The following DGKI variants were observed in gnomAD, a reference collection of about 807,000 sequenced individuals.
DGKI encodes the protein DAG kinase iota.
In DGKI, 55 loss-of-function variants were observed where a neutral mutation model predicts 147.5. That is an observed-to-expected ratio of 0.37 (90% CI 0.30 to 0.47). DGKI has a LOEUF of 0.47. Among genes scored for constraint, DGKI ranks in the 20% least tolerant of loss-of-function variants. The pLI, the probability that DGKI is intolerant of heterozygous loss-of-function variation, is 1.00. For synonymous variants in DGKI, 469 were observed against 477.1 expected (o/e 0.98, Z 0.22); for missense variants, 1,007 against 1,323.8 (o/e 0.76, Z 3.71).
At chr7:137,842,817 G>C (rs1010330035) in intron 1 of DGKI, among the ~76,000 whole-genome samples, 1 of 151,756 alleles carries the variant, frequency 6.6e-6, no homozygotes, top group African/African-American at 2.4e-5. Flanking sequence ...TAGACAAAGG[G>C]CCACAAGCCA....
In DGKI at chr7:137,441,265, C is replaced by CA. The variant is rs368405860; in HGVS notation, c.2761+2811dup. 9.9e-3 allele frequency among the ~76,000 whole-genome samples: 1,496 copies of CA among 151,612 alleles called. 49 individuals are homozygous for CA. The highest frequency in any genetic ancestry group is 0.093 in the East Asian group (477 of 5,112). ...GAAACCCCGTCTCTACTAAAAAATA[C>CA]AAAAAATTAGCCGGGCATGGTGGCG... On this transcript the variant is annotated intron_variant, in intron 28 of 32. Coordinates refer to ENST00000614521, the MANE Select transcript of DGKI (RefSeq NM_001321708.2).
intron 28 of DGKI, 134 bp downstream of exon 28, chr7:137,443,943 T>C (rs1012437779): frequency 2.2e-5 from 16 of 717,258 alleles, no homozygotes; most frequent in Non-Finnish European, 3.4e-5. Flanking sequence ...GTTTGACATT[T>C]CACATTCAAA....
chr7:137,451,614 C>G (rs1040500234), intron 27 of DGKI, among the ~76,000 whole-genome samples: 2 of 152,130 alleles, frequency 1.3e-5, no homozygotes, highest in Non-Finnish European at 2.9e-5. Context: ...AGTATTGCAC[C>G]TCTTATGATG....
Position 137,383,632 on chromosome 7 carries a change from A to T in DGKI, c.*7588T>A, listed in dbSNP as rs1028551440. 6.6e-6 allele frequency: 1 copy of T among 152,018 alleles called. No homozygotes were observed. The highest frequency in any genetic ancestry group is 2.4e-5 in the African/African-American group (1 of 41,434). The allele number at this position is 152,018 out of a possible 1,614,324, so 9.4% of individuals were successfully genotyped here. A position where few individuals can be genotyped will look rare whatever the true frequency, so the allele number is the denominator to read the frequency against. On this transcript the variant is annotated 3_prime_UTR_variant, in exon 33 of 33. Coordinates refer to ENST00000614521, the MANE Select transcript of DGKI (RefSeq NM_001321708.2). ...CACTTAACTACTAGAAGAAACAGTG[A>T]TAACAACTTCACTGTTTTTCAGAAA...
intron 6 of DGKI, among the ~76,000 whole-genome samples, chr7:137,627,038 G>C (rs1387174424): frequency 6.6e-6 from 1 of 152,190 alleles, no homozygotes; most frequent in Non-Finnish European, 1.5e-5. Flanking sequence ...TGTCCGCAGT[G>C]AGACAGGTCT....
chr7:137,493,687 A>G, intron 21 of DGKI: 1 of 693,198 alleles, frequency 1.4e-6, no homozygotes, highest in South Asian at 1.5e-5. Context: ...TCTAAAAGAT[A>G]GCAACTTCAA....
intron 10 of DGKI, among the ~76,000 whole-genome samples, chr7:137,604,468 G>T (rs1389858738): frequency 6.6e-6 from 1 of 152,120 alleles, no homozygotes; most frequent in East Asian, 1.9e-4. Context: ...ACTTAGGAGG[G>T]GTGGCCCTAG....
intron 3 of DGKI, among the ~76,000 whole-genome samples, chr7:137,668,129 C>A (rs535240772): frequency 6.6e-6 from 1 of 152,268 alleles, no homozygotes; most frequent in South Asian, 2.1e-4. Context: ...TAGTGGTAAC[C>A]TGGGGGACCA....
intron 1 of DGKI, among the ~76,000 whole-genome samples, chr7:137,725,044 A>C (rs541042514): frequency 3.4e-4 from 51 of 152,202 alleles, no homozygotes; most frequent in Non-Finnish European, 6.2e-4. Flanking sequence ...CTTTATACAG[A>C]GGTGAGAAGG....
chr7:137,601,678 G>A (rs1819997157), intron 10 of DGKI, among the ~76,000 whole-genome samples: 1 of 152,166 alleles, frequency 6.6e-6, no homozygotes, highest in Admixed American at 6.5e-5. Flanking sequence ...CACAGTATGC[G>A]GCACAAAACA....
chr7:137,497,700 G>T (rs4732260), intron 21 of DGKI, among the ~76,000 whole-genome samples: 96,652 of 151,944 alleles, frequency 0.64, 35,150 homozygotes, highest in Non-Finnish European at 0.81. Flanking sequence ...AACAGAAATC[G>T]ATTTAATAAG....
intron 1 of DGKI, among the ~76,000 whole-genome samples, chr7:137,756,592 G>C (rs1795690396): frequency 6.6e-6 from 1 of 152,192 alleles, no homozygotes; most frequent in Non-Finnish European, 1.5e-5. Context: ...TCAGTAAAGA[G>C]CTTTATATGC....
chr7:137,534,777 G>A (rs139820350), intron 20 of DGKI, among the ~76,000 whole-genome samples: 9 of 152,080 alleles, frequency 5.9e-5, no homozygotes, highest in Admixed American at 3.9e-4. Flanking sequence ...ATGCTGTTAT[G>A]TACTAAGTTA....
intron 6 of DGKI, among the ~76,000 whole-genome samples, chr7:137,642,280 C>A (rs1274067799): frequency 8.4e-6 from 1 of 118,364 alleles, no homozygotes; most frequent in East Asian, 2.1e-4. Context: ...TGGGTATCTA[C>A]TGGGTATCTA....
chr7:137,495,435 A>C (rs1320493614), intron 21 of DGKI, among the ~76,000 whole-genome samples: 2 of 141,336 alleles, frequency 1.4e-5, no homozygotes, highest in East Asian at 4.5e-4. Context: ...AACTCTGAGG[A>C]GGAGAGGCTC....
intron 1 of DGKI, among the ~76,000 whole-genome samples, chr7:137,758,186 T>C (rs1795745634): frequency 6.6e-6 from 1 of 152,212 alleles, no homozygotes; most frequent in Non-Finnish European, 1.5e-5. Context: ...GTCTCAGCAA[T>C]GATATCTGAA....
chr7:137,620,098 A>G (rs1418157269), intron 7 of DGKI, among the ~76,000 whole-genome samples, 158 bp from the exon 8 acceptor site: 1 of 151,956 alleles, frequency 6.6e-6, no homozygotes, highest in Non-Finnish European at 1.5e-5. Context: ...ACATGCACAC[A>G]TGGGCACACA....
chr7:137,609,751 A>G (rs1820305336), intron 8 of DGKI, 142 bp from the exon 9 acceptor site: 2 of 624,354 alleles, frequency 3.2e-6, no homozygotes, highest in Non-Finnish European at 5.7e-6. Flanking sequence ...GCCACTGTTC[A>G]TGGATAAGCC....
At position 137,597,865 on chromosome 7, in the gene DGKI, G is replaced by A. The variant is rs1232393016; in HGVS notation, c.1293C>T (p.Ala431=). The A allele has an allele frequency of 6.2e-7, 1 of 1,613,918 alleles. No homozygotes were observed. The change falls in exon 12 of 33, where the codon GCC becomes GCT. Residue 431 remains alanine (A), a synonymous_variant. Transcript: ENST00000614521. ...GACCTACCGTTCCATCCCCACCACA[G>A]GCCAGAATTCGCAGATTTGGTACTT... The part of the protein sequence containing the change: ...YRKVPNLRIL[A]CGGDGTVGWI...
Sources: allele counts gnomAD v4.1 joint callset (sites outside exome capture counted in the v4.1 genomes callset), GRCh38; gene constraint gnomAD v4.1.1; transcripts MANE v1.5; gene names NCBI Gene and HGNC (gene_info 2026-07-23, HGNC 2026-07-21).